Variants in RPN2 observed in about 807,000 individuals in gnomAD.
RPN2 encodes dolichyl-diphosphooligosaccharide--protein glycosyltransferase subunit 2.
A neutral mutation model predicts 71.4 loss-of-function variants in RPN2; 29 were observed. The ratio of observed to expected loss-of-function variants is 0.41; its 90% confidence interval spans 0.30 to 0.55. The LOEUF is 0.55. RPN2 is among the 20% of genes least tolerant of loss of function. RPN2 has a pLI of 0.35. For missense variants in RPN2, 726 were observed against 774.1 expected (o/e 0.94, Z 0.74); for synonymous variants, 308 against 305.0 (o/e 1.01, Z -0.10).
At chr20:37,202,640 C>T (rs966347810) in intron 4 of RPN2, among the ~76,000 whole-genome samples, 1 of 152,156 alleles carries the variant, frequency 6.6e-6, no homozygotes, top group East Asian at 1.9e-4. Flanking sequence ...ATAAGTCTTA[C>T]ATGTATACAT....
At chr20:37,194,013 G>A (rs1323798070) in intron 2 of RPN2, among the ~76,000 whole-genome samples, 5 of 152,110 alleles carry the variant, frequency 3.3e-5, no homozygotes, top group African/African-American at 9.7e-5. Flanking sequence ...AGCAGGGTGC[G>A]GTGGCATCCC....
At chr20:37,235,499 C>T (rs1162692837) in intron 15 of RPN2, among the ~76,000 whole-genome samples, 2 of 152,156 alleles carry the variant, frequency 1.3e-5, no homozygotes, top group Admixed American at 6.5e-5. Context: ...CAGGGCTCTC[C>T]GTTCCCAGCT....
intron 9 of RPN2, among the ~76,000 whole-genome samples, chr20:37,220,712 G>A (rs1052945047): frequency 1.3e-5 from 2 of 152,140 alleles, no homozygotes; most frequent in Non-Finnish European, 2.9e-5. Flanking sequence ...TAATCAACAG[G>A]GATCCTACAC....
intron 16 of RPN2, among the ~76,000 whole-genome samples, chr20:37,239,223 G>A (rs755509795): frequency 5.3e-5 from 8 of 152,216 alleles, no homozygotes; most frequent in Non-Finnish European, 8.8e-5. Context: ...ACTCAACTCT[G>A]TCACTGTCAT....
At chr20:37,225,487 A>G (rs1265526815) in intron 10 of RPN2, among the ~76,000 whole-genome samples, 1 of 152,166 alleles carries the variant, frequency 6.6e-6, no homozygotes, top group African/African-American at 2.4e-5. Context: ...CTGGAAGTTT[A>G]TTCTGCACTT....
intron 4 of RPN2, among the ~76,000 whole-genome samples, chr20:37,200,256 T>C (rs1269590038): frequency 6.6e-6 from 1 of 152,240 alleles, no homozygotes; most frequent in East Asian, 1.9e-4. Context: ...CCCAAAGTGC[T>C]GGGATTACAG....
intron 15 of RPN2, among the ~76,000 whole-genome samples, chr20:37,236,093 T>G (rs184608791): frequency 6.6e-6 from 1 of 150,846 alleles, no homozygotes; most frequent in Non-Finnish European, 1.5e-5. Context: ...TTACCCCTGT[T>G]TGTGGGTGTG....
chr20:37,210,090 C>T lies in RPN2; in HGVS notation c.911C>T (p.Thr304Ile), dbSNP rs753502327. 3 of 1,614,170 alleles carry T rather than the reference C, an allele frequency of 1.9e-6. No homozygotes were observed. The highest frequency in any genetic ancestry group is 2.5e-6 in the Non-Finnish European group (3 of 1,180,034). ...CTGTCTCAGCCTCTGACTCAGGCCA[C>T]TGTTAAACTAGAACATGCTAAATCT... Reference protein sequence around the residue: ...NVLSQPLTQATVKLEHAKSVA... With the variant: ...NVLSQPLTQAIVKLEHAKSVA... The change falls in exon 8 of 17, where the codon ACT (threonine) becomes ATT (isoleucine). Residue 304 changes from threonine (T) to isoleucine (I), a missense_variant. Thr to Ile is a moderately conservative substitution (Grantham distance 89). Coordinates refer to ENST00000237530, the MANE Select transcript of RPN2 (RefSeq NM_002951.5).
rs1380465837 is a variant in RPN2 at position 37,225,733 on chromosome 20, C to G, written c.1230C>G (p.Ser410Arg). ...AKAKGTFIAD[S>R]HQNFALFFQL... is the part of the protein sequence containing the mutation. Reference sequence around the variant, plus strand: ...CCAAGGGCACATTCATCGCAGACAGCCACCAGAACTTCGCCTTGTTCTTCC... The same window carrying G: ...CCAAGGGCACATTCATCGCAGACAGGCACCAGAACTTCGCCTTGTTCTTCC... The change falls in exon 11 of 17, where the codon AGC (serine) becomes AGG (arginine). Residue 410 changes from serine to arginine, a missense_variant. Coordinates refer to ENST00000237530, the MANE Select transcript of RPN2 (RefSeq NM_002951.5). The G allele has an allele frequency of 6.2e-7, 1 of 1,614,156 alleles. No homozygotes were observed. The highest frequency in any genetic ancestry group is 1.7e-5 in the Admixed American group (1 of 60,014).
At chr20:37,183,774 G>A (rs1002473941) in intron 1 of RPN2, among the ~76,000 whole-genome samples, 1 of 152,224 alleles carries the variant, frequency 6.6e-6, no homozygotes, top group Non-Finnish European at 1.5e-5. Flanking sequence ...ATGGAAAAAT[G>A]CTGAGCAGGA....
At chr20:37,219,383 TCCTTCTACA>T (rs1259588027) in intron 9 of RPN2, among the ~76,000 whole-genome samples, 3 of 152,226 alleles carry the variant, frequency 2.0e-5, no homozygotes, top group Non-Finnish European at 2.9e-5. Flanking sequence ...CTTTTTTTCT[TCCTTCTACA>T]ATCTATACAC....
chr20:37,219,902 A>G (rs995457646), intron 9 of RPN2, among the ~76,000 whole-genome samples: 6 of 152,152 alleles, frequency 3.9e-5, no homozygotes, highest in African/African-American at 1.4e-4. Context: ...TCATAATTCT[A>G]TTTCATTAAT....
rs559700201 is a variant in RPN2 at position 37,231,249 on chromosome 20, C to T, written c.1582-1047C>T. Reference sequence around the variant, plus strand: ...CTTCCCTTCTGGTCACACAGCCATACGTTTCAGTTTGGGCCTAAACGGAGG... The same window carrying T: ...CTTCCCTTCTGGTCACACAGCCATATGTTTCAGTTTGGGCCTAAACGGAGG... On this transcript the variant is annotated intron_variant, in intron 13 of 16. Transcript: ENST00000237530. 2.0e-5 allele frequency among the ~76,000 whole-genome samples: 3 copies of T among 152,022 alleles called. No homozygotes were observed. The South Asian group carries it at 6.2e-4, about 32-fold the overall frequency.
intron 2 of RPN2, 114 bp downstream of exon 2, chr20:37,184,487 G>T (rs906110193): frequency 1.0e-6 from 1 of 966,564 alleles, no homozygotes. Context: ...GATAACCAAG[G>T]TTAATCCAAT....
At position 37,223,931 on chromosome 20, in the gene RPN2, C is replaced by T. The variant is rs775420634; in HGVS notation, c.1146C>T (p.Thr382=). The T allele has an allele frequency of 1.1e-5, 17 of 1,613,954 alleles. No homozygotes were observed. The highest frequency in any genetic ancestry group is 6.6e-5 in the South Asian group (6 of 91,078). Residue 382 remains threonine (T), a synonymous_variant, in exon 10 of 17, where the codon ACC becomes ACT. Transcript: ENST00000237530. The part of the protein sequence containing the change: ...EVGITNVDLS[T]VDKDQSIAPK... ...GCATCACAAATGTTGATCTTTCCAC[C>T]GTGGATAAGGATCAGAGCATTGCAC...
At chr20:37,216,386 G>A (rs2067804826) in intron 9 of RPN2, among the ~76,000 whole-genome samples, 1 of 152,112 alleles carries the variant, frequency 6.6e-6, no homozygotes, top group East Asian at 1.9e-4. Context: ...GCTAGACTGT[G>A]TTTTTTATAT....
chr20:37,186,928 A>G (rs1204221880), intron 2 of RPN2, among the ~76,000 whole-genome samples: 1 of 152,140 alleles, frequency 6.6e-6, no homozygotes, highest in Non-Finnish European at 1.5e-5. Context: ...CTGTAAACTG[A>G]TAGTTAGCTC....
intron 15 of RPN2, 42 bp from the exon 16 acceptor site, chr20:37,236,538 T>C: frequency 6.2e-7 from 1 of 1,611,546 alleles, no homozygotes; most frequent in Non-Finnish European, 8.5e-7. Context: ...AGGGCATCAT[T>C]ATGTTTCATT....
At chr20:37,211,189 T>C (rs2067654293) in intron 8 of RPN2, among the ~76,000 whole-genome samples, 1 of 151,680 alleles carries the variant, frequency 6.6e-6, no homozygotes, top group South Asian at 2.1e-4. Context: ...TGTGTGACAC[T>C]ACGCCTGGCT....
Sources: allele counts gnomAD v4.1 joint callset (sites outside exome capture counted in the v4.1 genomes callset), GRCh38; gene constraint gnomAD v4.1.1; transcripts MANE v1.5; gene names NCBI Gene and HGNC (gene_info 2026-07-23, HGNC 2026-07-21).